The following SYNE2 variants were observed in gnomAD, a reference collection of about 807,000 sequenced individuals.
SYNE2 encodes nesprin-2.
Under a neutral mutation model 856.3 loss-of-function variants are expected in SYNE2, and 431 were observed. The ratio of observed to expected loss-of-function variants is 0.50; its 90% confidence interval spans 0.47 to 0.55. SYNE2 has a LOEUF of 0.55. Among genes scored for constraint, SYNE2 ranks in the 20% least tolerant of loss-of-function variants. The pLI is 0.00. For missense variants in SYNE2, 8,129 were observed against 8,023.2 expected (o/e 1.01, Z -0.50); for synonymous variants, 2,923 against 2,872.3 (o/e 1.02, Z -0.56).
chr14:64,159,117 A>T (rs2098309115), intron 86 of SYNE2, among the ~76,000 whole-genome samples, 195 bp from the exon 87 acceptor site: 1 of 150,920 alleles, frequency 6.6e-6, no homozygotes, highest in Admixed American at 6.6e-5. Context: ...AGTACTTTAT[A>T]TTACTTAGTA....
chr14:63,809,790 C>T (rs373377239), intron 1 of SYNE2, among the ~76,000 whole-genome samples: 150 of 152,234 alleles, frequency 9.9e-4, no homozygotes, highest in African/African-American at 3.4e-3. Flanking sequence ...CATGAGCCAC[C>T]GCGCCTGGCT....
At chr14:64,139,058 A>G (rs1205535201) in intron 79 of SYNE2, among the ~76,000 whole-genome samples, 4 of 151,546 alleles carry the variant, frequency 2.6e-5, no homozygotes, top group Non-Finnish European at 5.9e-5. Flanking sequence ...ATCGTGGCTC[A>G]CTGCAGCCTT....
At chr14:64,173,106 G>T (rs1294995862) in intron 94 of SYNE2, among the ~76,000 whole-genome samples, 1 of 152,150 alleles carries the variant, frequency 6.6e-6, no homozygotes, top group Non-Finnish European at 1.5e-5. Context: ...CGGGTCTTAG[G>T]CAGATAAAGG....
Position 63,997,014 on chromosome 14 carries a change from G to A in SYNE2, c.3008G>A (p.Cys1003Tyr). The A allele has an allele frequency of 6.2e-7, 1 of 1,614,108 alleles. No individual in the cohort carries two copies. Among genetic ancestry groups the A allele is most frequent in the Non-Finnish European group, 8.5e-7 (1 of 1,180,016 alleles). ...NHHMEVLREL[C>Y]EELPSQKSQQ... ...CACATGGAAGTCCTGAGGGAGCTGT[G>A]TGAAGAGCTGCCTTCACAGAAGAGT... is the stretch of plus-strand genomic sequence containing the variant. Residue 1003 changes from cysteine to tyrosine, a missense_variant, in exon 24 of 116, where the codon TGT (cysteine) becomes TAT (tyrosine). Physicochemically the swap from Cys to Tyr is radical, Grantham distance 194. Transcript: ENST00000555002.
chr14:63,819,768 C>T (rs1355965890), intron 1 of SYNE2, among the ~76,000 whole-genome samples: 2 of 151,928 alleles, frequency 1.3e-5, no homozygotes, highest in East Asian at 3.9e-4. Context: ...GATCTCCTGA[C>T]CTCGTGATCC....
Position 63,909,171 on chromosome 14 carries a change from C to T in SYNE2, c.23C>T (p.Pro8Leu), listed in dbSNP as rs1268352795. The T allele has an allele frequency of 6.2e-7, 1 of 1,612,714 alleles. No homozygotes were observed. Among genetic ancestry groups the T allele is most frequent in the African/African-American group, 1.3e-5 (1 of 74,670 alleles). The change falls in exon 2 of 116, where the codon CCC becomes CTC. Residue 8 changes from proline (P) to leucine (L), a missense_variant. Pro to Leu is a moderately conservative substitution (Grantham distance 98). This residue lies in a region of SYNE2 where 2,422 missense variants were observed against 2,357.4 expected (regional missense o/e 1.03). Transcript: ENST00000555002. MASSPEL[P>L]TEDEQGSWGI... ...AGAATGGCATCTAGTCCTGAGCTTC[C>T]CACCGAAGATGAACAGGGTTCCTGG...
At chr14:63,990,698 G>A (rs2153485300) in intron 20 of SYNE2, 129 bp downstream of exon 20, 1 of 887,396 alleles carries the variant, frequency 1.1e-6, no homozygotes, top group East Asian at 2.6e-5. Flanking sequence ...TTTGCATTAT[G>A]TTTTATTTCT....
rs140797941 is a variant in SYNE2, at chr14:64,130,065, G to T, written c.14157G>T (p.Met4719Ile). Residue 4719 changes from methionine to isoleucine, a missense_variant, in exon 76 of 116, where the codon ATG becomes ATT. This residue lies in a region of SYNE2 where 5,410 missense variants were observed against 5,284.8 expected (regional missense o/e 1.02). Coordinates refer to ENST00000555002, the MANE Select transcript of SYNE2 (RefSeq NM_182914.3). The stretch of plus-strand genomic sequence containing the variant: ...CTTTTCAGGATGTACTTGACAGTAT[G>T]TGGGGAATGCTAAGAGCCAGGTACA... ...VYKLEDVLDS[M>I]WGMLRARYTE... 1.1e-5 allele frequency: 17 copies of T among 1,613,828 alleles called. No homozygotes were observed. Among genetic ancestry groups the T allele is most frequent in the Admixed American group, 3.3e-5 (2 of 60,004 alleles).
intron 1 of SYNE2, among the ~76,000 whole-genome samples, chr14:63,813,705 C>T (rs1417563510): frequency 1.3e-5 from 2 of 151,678 alleles, no homozygotes; most frequent in African/African-American, 4.8e-5. Context: ...GAGTGGATCA[C>T]GAGGTCAGAA....
Position 64,007,220 on chromosome 14 carries a change from A to G in SYNE2, c.4575A>G (p.Glu1525=), listed in dbSNP as rs2096803118. 1 of 1,613,876 alleles carries G rather than the reference A, an allele frequency of 6.2e-7. No homozygotes were observed. Among genetic ancestry groups the G allele is most frequent in the Non-Finnish European group, 8.5e-7 (1 of 1,179,790 alleles). Residue 1525 remains glutamate (E), a splice_region_variant and synonymous_variant, in exon 31 of 116, where the codon GAA becomes GAG. Transcript: ENST00000555002. ...AGAATACCAAAGCCTTGGTCACCGA[A>G]TGGTAAGGAAAAAAAAGAATCCCTC... is the stretch of plus-strand genomic sequence containing the variant. ...LWENTKALVT[E]CLEQCGRVLE... is the part of the protein sequence containing the mutation.
At chr14:64,151,104 C>T (rs1364748637) in intron 84 of SYNE2, among the ~76,000 whole-genome samples, 4 of 152,108 alleles carry the variant, frequency 2.6e-5, no homozygotes, top group South Asian at 2.1e-4. Context: ...TCTCATCATC[C>T]GTTCTTACTC....
At chr14:64,176,386 A>G (rs143960966) in intron 95 of SYNE2, among the ~76,000 whole-genome samples, 1 of 152,362 alleles carries the variant, frequency 6.6e-6, no homozygotes, top group East Asian at 1.9e-4. Context: ...ATATGATAAT[A>G]CTTTCCTTGT....
At chr14:63,767,277 TG>T (rs1886720099) in intron 1 of SYNE2, among the ~76,000 whole-genome samples, 1 of 151,908 alleles carries the variant, frequency 6.6e-6, no homozygotes, top group African/African-American at 2.4e-5. Context: ...AGTTAATTTT[TG>T]TATTTTTTTT....
At chr14:64,161,173 A>C (rs1447687155) in intron 87 of SYNE2, among the ~76,000 whole-genome samples, 1 of 152,040 alleles carries the variant, frequency 6.6e-6, no homozygotes, top group Non-Finnish European at 1.5e-5. Flanking sequence ...GTGAAACCCC[A>C]TCTCTACAAA....
At chr14:64,186,916 A>G (rs2098494389) in intron 97 of SYNE2, among the ~76,000 whole-genome samples, 1 of 152,220 alleles carries the variant, frequency 6.6e-6, no homozygotes, top group African/African-American at 2.4e-5. Flanking sequence ...CAGAAGCTGG[A>G]CCCAGTGAAG....
rs749409102 is a variant in SYNE2, at chr14:64,221,744, C to T, written c.20190+40C>T. 6 of 1,611,152 alleles carry T rather than the reference C, an allele frequency of 3.7e-6. No individual in the cohort carries two copies. In the East Asian group the frequency reaches 1.3e-4, roughly 36 times the overall value. On this transcript the variant is annotated intron_variant, in intron 112 of 115. Transcript: ENST00000555002. ...AAGGGCTCTGTACTGCCACCAGCCT[C>T]TGTCAGCCCCAGAGAGGCAGCACAC...
At chr14:64,102,103 C>T (rs1431622660) in intron 64 of SYNE2, 61 bp downstream of exon 64, 3 of 1,201,514 alleles carry the variant, frequency 2.5e-6, no homozygotes, top group Non-Finnish European at 3.7e-6. Flanking sequence ...GAGCAGGGAT[C>T]TCTTTCTGCA....
intron 6 of SYNE2, among the ~76,000 whole-genome samples, chr14:63,948,722 G>GTATATA (rs74219864): frequency 3.3e-4 from 34 of 101,506 alleles, no homozygotes; most frequent in African/African-American, 1.1e-3. Context: ...ATATATGTGT[G>GTATATA]TATATATATG....
At chr14:63,963,242 TA>T (rs2096345485) in intron 9 of SYNE2, among the ~76,000 whole-genome samples, 1 of 152,108 alleles carries the variant, frequency 6.6e-6, no homozygotes, top group Non-Finnish European at 1.5e-5. Flanking sequence ...ATTTTCATAT[TA>T]AAAAAATAAA....
Sources: gnomAD v4.1 joint callset for allele counts (sites outside exome capture counted in the v4.1 genomes callset) on GRCh38, gnomAD v4.1.1 for gene constraint, gnomAD v4.1.1 regional missense constraint, MANE v1.5 for transcripts, NCBI Gene and HGNC (gene_info 2026-07-23, HGNC 2026-07-21) for gene names.